The following CDH8 variants were observed in gnomAD, a reference collection of about 807,000 sequenced individuals.
CDH8 encodes cadherin-8.
In CDH8, 17 loss-of-function variants were observed where a neutral mutation model predicts 68.1. That is an observed-to-expected ratio of 0.25 (90% CI 0.17 to 0.37). The LOEUF is 0.37. CDH8 is among the 10% of genes least tolerant of loss of function. The pLI is 1.00. For synonymous variants in CDH8, 372 were observed against 365.1 expected, an observed-to-expected ratio of 1.02 and a Z score of -0.21; for missense variants, 763 against 999.3, an observed-to-expected ratio of 0.76 and a Z score of 3.19.
intron 8 of CDH8, among the ~76,000 whole-genome samples, chr16:61,764,231 C>T (rs1279490085): frequency 6.6e-6 from 1 of 151,962 alleles, no homozygotes; most frequent in Admixed American, 6.6e-5. Flanking sequence ...AAGTTGGTGG[C>T]CCAGTCAAAA....
At chr16:61,803,345 C>T (rs908484464) in intron 7 of CDH8, among the ~76,000 whole-genome samples, 6 of 133,596 alleles carry the variant, frequency 4.5e-5, no homozygotes, top group Non-Finnish European at 9.5e-5. Context: ...ACAACCGGTA[C>T]CAGCCGCTGC....
In CDH8 at chr16:61,647,483, C is replaced by A; in HGVS notation, c.*6125G>T. The stretch of plus-strand genomic sequence containing the variant: ...CGTTGGAAAGGTGGGGGGGGTGATC[C>A]CAGTGACTCCTAAATTGTCATGTTC... On this transcript the variant is annotated 3_prime_UTR_variant, in exon 12 of 12. Transcript: ENST00000577390. The A allele has an allele frequency of 8.0e-6, 2 of 248,910 alleles. No individual in the cohort carries two copies. Among genetic ancestry groups the A allele is most frequent in the South Asian group, 8.3e-5 (1 of 12,078 alleles). 15.4% of individuals were successfully genotyped at this position (248,910 alleles called of 1,614,324 possible).
At chr16:61,659,228 T>C (rs923556697) in intron 10 of CDH8, among the ~76,000 whole-genome samples, 23 of 152,294 alleles carry the variant, frequency 1.5e-4, no homozygotes, top group Middle Eastern at 3.4e-3. Context: ...GAAATGGATC[T>C]GGAGGCAAGC....
intron 2 of CDH8, among the ~76,000 whole-genome samples, chr16:62,016,926 T>C (rs988689982): frequency 1.3e-5 from 2 of 152,140 alleles, no homozygotes; most frequent in African/African-American, 4.8e-5. Flanking sequence ...AAGTTAACAT[T>C]TTCTTCATGC....
intron 10 of CDH8, among the ~76,000 whole-genome samples, chr16:61,659,344 C>T (rs1303121789): frequency 2.6e-5 from 4 of 152,162 alleles, no homozygotes; most frequent in Non-Finnish European, 5.9e-5. Context: ...CTTGTCTCAG[C>T]TCAGTGAGGT....
At chr16:61,848,194 T>C (rs1177081598) in intron 4 of CDH8, among the ~76,000 whole-genome samples, 1 of 152,092 alleles carries the variant, frequency 6.6e-6, no homozygotes, top group African/African-American at 2.4e-5. Context: ...ACCTGGTGTG[T>C]TCACATTGGA....
intron 3 of CDH8, among the ~76,000 whole-genome samples, chr16:61,862,115 A>G (rs1323783241): frequency 7.0e-6 from 1 of 143,046 alleles, no homozygotes; most frequent in East Asian, 2.0e-4. Flanking sequence ...TGCTCAAAAG[A>G]AAACACACAC....
At chr16:61,861,222 G>T (rs1963143679) in intron 3 of CDH8, among the ~76,000 whole-genome samples, 1 of 152,148 alleles carries the variant, frequency 6.6e-6, no homozygotes, top group South Asian at 2.1e-4. Flanking sequence ...CAAAATAATA[G>T]TTAAAAATGC....
chr16:61,896,746 G>A (rs1963875035), intron 3 of CDH8, among the ~76,000 whole-genome samples: 1 of 152,066 alleles, frequency 6.6e-6, no homozygotes, highest in Non-Finnish European at 1.5e-5. Flanking sequence ...AAGGTCCAAA[G>A]GTAAGGTGGG....
chr16:61,888,677 T>G (rs530344162), intron 3 of CDH8, among the ~76,000 whole-genome samples: 1 of 152,318 alleles, frequency 6.6e-6, no homozygotes, highest in African/African-American at 2.4e-5. Context: ...TTTTGCACAT[T>G]TATTAAATAT....
intron 2 of CDH8, among the ~76,000 whole-genome samples, chr16:61,997,580 A>G (rs527253603): frequency 3.3e-5 from 5 of 152,322 alleles, no homozygotes; most frequent in Admixed American, 6.5e-5. Context: ...GAATTGTCAG[A>G]AAGTATCTCC....
chr16:61,747,010 A>G (rs865814991), intron 8 of CDH8, among the ~76,000 whole-genome samples: 27 of 152,136 alleles, frequency 1.8e-4, no homozygotes, highest in African/African-American at 5.5e-4. Context: ...AGTGTCAAGT[A>G]CATAAAAATA....
chr16:61,953,383 A>T (rs1201760290), intron 2 of CDH8, among the ~76,000 whole-genome samples: 1 of 152,184 alleles, frequency 6.6e-6, no homozygotes, highest in Non-Finnish European at 1.5e-5. Context: ...GTACAGGAAC[A>T]CTATTAATTT....
At chr16:61,690,151 TA>T (rs1223444368) in intron 10 of CDH8, among the ~76,000 whole-genome samples, 1 of 152,080 alleles carries the variant, frequency 6.6e-6, no homozygotes, top group Non-Finnish European at 1.5e-5. Context: ...ATTTATGTTT[TA>T]AAAATGATGA....
intron 8 of CDH8, among the ~76,000 whole-genome samples, chr16:61,738,711 C>T (rs1959776472): frequency 6.6e-6 from 1 of 152,056 alleles, no homozygotes; most frequent in Admixed American, 6.6e-5. Flanking sequence ...TTTTATAATG[C>T]GTCCTACTTT....
rs193055621 is a variant in CDH8 at position 61,768,379 on chromosome 16, T to G, written c.1414+20967A>C. Among the ~76,000 whole-genome samples, 400 of 100,724 alleles carry G rather than the reference T, an allele frequency of 4.0e-3. 4 individuals are homozygous for G. Among genetic ancestry groups the G allele is most frequent in the East Asian group, 0.02 (53 of 2,596 alleles). The allele number at this position is 100,724 out of a possible 152,430, so 66.1% of individuals were successfully genotyped here. On this transcript the variant is annotated intron_variant, in intron 8 of 11. Coordinates refer to ENST00000577390, the MANE Select transcript of CDH8 (RefSeq NM_001796.5). ...CTCTCTCTCTCTCTCCCTTTCTCTC[T>G]CTCTCTCTCTCTCTCCCTTTCTCTC...
chr16:61,752,660 T>C (rs924727054), intron 8 of CDH8, among the ~76,000 whole-genome samples: 2 of 152,310 alleles, frequency 1.3e-5, no homozygotes, highest in African/African-American at 4.8e-5. Flanking sequence ...ATTTTGTCTA[T>C]TATAAGTAAG....
At chr16:61,871,899 CATATTTT>C (rs961301974) in intron 3 of CDH8, among the ~76,000 whole-genome samples, 2 of 129,772 alleles carry the variant, frequency 1.5e-5, no homozygotes, top group African/African-American at 5.8e-5. Flanking sequence ...ACTCACCGTA[CATATTTT>C]GAAACCATCA....
chr16:61,723,884 T>C (rs1030944006), intron 9 of CDH8, among the ~76,000 whole-genome samples: 2 of 150,746 alleles, frequency 1.3e-5, no homozygotes, highest in African/African-American at 4.8e-5. Flanking sequence ...CAAATGACTA[T>C]ATCATGTCTG....
Sources: allele counts gnomAD v4.1 joint callset (sites outside exome capture counted in the v4.1 genomes callset), GRCh38; gene constraint gnomAD v4.1.1; transcripts MANE v1.5; gene names NCBI Gene and HGNC (gene_info 2026-07-23, HGNC 2026-07-21).